C7: variants seen among roughly 807,000 people sequenced by gnomAD.
C7 encodes the protein complement C7.
Under a neutral mutation model 104.8 loss-of-function variants are expected in C7, and 83 were observed. The ratio of observed to expected loss-of-function variants is 0.79; its 90% CI spans 0.66 to 0.95. The LOEUF (loss-of-function observed/expected upper bound fraction) is 0.95, where lower values mean the gene tolerates loss of function less well. Among genes scored for constraint, C7 ranks in the 40% least tolerant of loss-of-function variants. C7 has a pLI of 0.00. For synonymous variants in C7, 415 were observed against 360.6 expected (o/e 1.15, Z -1.71); for missense variants, 1,070 against 1,011.2 (o/e 1.06, Z -0.79).
chr5:40,947,877 C>T (rs1579856652), intron 8 of C7, 32 bp downstream of exon 8: 1 of 1,594,940 alleles, frequency 6.3e-7, no homozygotes, highest in Non-Finnish European at 8.6e-7. Context: ...TGTCTAAAGG[C>T]ATTTCTGGGA....
In C7 at chr5:40,972,564, G is replaced by C. The variant is rs541873000; in HGVS notation, c.2044G>C (p.Glu682Gln). Residue 682 changes from glutamate to glutamine, a missense_variant, in exon 15 of 18, where the codon GAG (glutamate) becomes CAG (glutamine). Transcript: ENST00000313164. ...LCGSSLKWSP[E>Q]MKNARCVQKE... Reference sequence around the variant, plus strand: ...TGGCTCCAGCCTTAAGTGGAGTCCTGAGATGAAGAATGCCCGCTGTGTACA... The same window carrying C: ...TGGCTCCAGCCTTAAGTGGAGTCCTCAGATGAAGAATGCCCGCTGTGTACA... The C allele has an allele frequency of 1.2e-5, 19 of 1,610,668 alleles. No individual in the cohort carries two copies. Among genetic ancestry groups the C allele is most frequent in the African/African-American group, 8.0e-5 (6 of 74,922 alleles).
chr5:40,958,715 G>A (rs1009884240), intron 11 of C7, among the ~76,000 whole-genome samples: 1 of 152,076 alleles, frequency 6.6e-6, no homozygotes, highest in Non-Finnish European at 1.5e-5. Context: ...GGTGTATATG[G>A]TGCTTCAAGC....
At chr5:40,964,975 C>A in intron 14 of C7, 102 bp downstream of exon 14, 1 of 1,311,674 alleles carries the variant, frequency 7.6e-7, no homozygotes, top group Non-Finnish European at 1.1e-6. Context: ...TGTTGGCCTT[C>A]CTTTCCTGTA....
Position 40,980,019 on chromosome 5 carries a change from T to C in C7, c.2350+110T>C, listed in dbSNP as rs529738772. 37 of 936,060 alleles carry C rather than the reference T, an allele frequency of 4.0e-5. No individual in the cohort carries two copies. In the African/African-American group the frequency reaches 6.0e-4, roughly 15 times the overall value. 58.0% of individuals were successfully genotyped at this position (936,060 alleles called of 1,614,324 possible). Reference sequence around the variant, plus strand: ...GTGGGCCGAAGAAGATACTTGAGGATGTTAAAGACTCAGACTGATTTGACA... The same window carrying C: ...GTGGGCCGAAGAAGATACTTGAGGACGTTAAAGACTCAGACTGATTTGACA... On this transcript the variant is annotated intron_variant, in intron 17 of 17. Coordinates refer to ENST00000313164, the MANE Select transcript of C7 (RefSeq NM_000587.4).
At chr5:40,937,420 A>C (rs1478673008) in intron 5 of C7, 132 bp from the exon 6 acceptor site, 1 of 809,090 alleles carries the variant, frequency 1.2e-6, no homozygotes, top group Non-Finnish European at 1.9e-6. Context: ...GAACTCTCTC[A>C]AAGAAGTGTT....
At chr5:40,973,598 C>T (rs1258862000) in intron 15 of C7, among the ~76,000 whole-genome samples, 2 of 152,198 alleles carry the variant, frequency 1.3e-5, no homozygotes, top group East Asian at 3.8e-4. Flanking sequence ...TTGGAGTGCC[C>T]TCCCTGCCTG....
At chr5:40,970,924 A>T (rs1197622622) in intron 14 of C7, among the ~76,000 whole-genome samples, 1 of 151,942 alleles carries the variant, frequency 6.6e-6, no homozygotes, top group Non-Finnish European at 1.5e-5. Flanking sequence ...TGCAAAGGAC[A>T]TTAACCCGTT....
chr5:40,927,721 C>A (rs1206571682), intron 1 of C7, among the ~76,000 whole-genome samples: 1 of 151,934 alleles, frequency 6.6e-6, no homozygotes, highest in African/African-American at 2.4e-5. Context: ...TAGAGAAATG[C>A]AAATTAAAAT....
intron 14 of C7, among the ~76,000 whole-genome samples, chr5:40,965,794 A>G (rs558454729): frequency 1.3e-5 from 2 of 151,788 alleles, no homozygotes; most frequent in Admixed American, 1.3e-4. Context: ...GGTGTGTGCC[A>G]ACACACTCTG....
At chr5:40,954,433 T>C (rs968213222) in intron 9 of C7, among the ~76,000 whole-genome samples, 1 of 152,180 alleles carries the variant, frequency 6.6e-6, no homozygotes, top group African/African-American at 2.4e-5. Flanking sequence ...GTTTCAGATA[T>C]CATAATACTT....
At chr5:40,974,859 C>G (rs1329590149) in intron 15 of C7, among the ~76,000 whole-genome samples, 2 of 152,188 alleles carry the variant, frequency 1.3e-5, no homozygotes, top group Non-Finnish European at 2.9e-5. Flanking sequence ...ATTAAGGCTT[C>G]TCAACCTCAA....
At chr5:40,925,718 C>T (rs1739537716) in intron 1 of C7, among the ~76,000 whole-genome samples, 1 of 152,184 alleles carries the variant, frequency 6.6e-6, no homozygotes, top group African/African-American at 2.4e-5. Flanking sequence ...ATGGCATCAA[C>T]ATTTGCTCAG....
At chr5:40,980,791 A>T (rs1740926111) in intron 17 of C7, among the ~76,000 whole-genome samples, 1 of 152,172 alleles carries the variant, frequency 6.6e-6, no homozygotes, top group Non-Finnish European at 1.5e-5. Flanking sequence ...GACTGATGAC[A>T]TACATATGTG....
In C7 at chr5:40,972,257, G is replaced by A. The variant is rs988577707; in HGVS notation, c.1883-146G>A. The A allele has an allele frequency of 7.3e-6, 5 of 683,346 alleles. No individual in the cohort carries two copies. In the African/African-American group the frequency reaches 9.0e-5, roughly 12 times the overall value. 42.3% of individuals were successfully genotyped at this position (683,346 alleles called of 1,614,324 possible). A position where few individuals can be genotyped will look rare whatever the true frequency, so the allele number is the denominator to read the frequency against. ...CAGGCTCTGTGTGACATGTCTTTCA[G>A]TCCACCCTAACAGTGAACTTACGTC... On this transcript the variant is annotated intron_variant, in intron 14 of 17. Transcript: ENST00000313164.
At chr5:40,929,356 T>C (rs1739628011) in intron 2 of C7, among the ~76,000 whole-genome samples, 1 of 152,180 alleles carries the variant, frequency 6.6e-6, no homozygotes. Flanking sequence ...GGAAGCCCTC[T>C]CCATTTCCCC....
chr5:40,935,248 T>C (rs1406753717), intron 4 of C7, among the ~76,000 whole-genome samples: 1 of 152,224 alleles, frequency 6.6e-6, no homozygotes, highest in Non-Finnish European at 1.5e-5. Context: ...TTATGCATAT[T>C]GTACCATCTG....
chr5:40,955,564 C>T lies in C7; in HGVS notation c.1260+11C>T. On this transcript the variant is annotated intron_variant, in intron 10 of 17. Transcript: ENST00000313164. ...GTCATAAAACAAAAGGTATGTCAGG[C>T]TTTGTTTAAAGCAATAGGAAGCAGT... 1 of 1,607,106 alleles carries T rather than the reference C, an allele frequency of 6.2e-7. No individual in the cohort carries two copies. Among genetic ancestry groups the T allele is most frequent in the Non-Finnish European group, 8.5e-7 (1 of 1,176,834 alleles).
intron 17 of C7, 88 bp downstream of exon 17, chr5:40,979,997 G>A (rs1175166182): frequency 7.7e-6 from 9 of 1,168,998 alleles, no homozygotes; most frequent in South Asian, 1.9e-5. Context: ...TTTAGCAGTG[G>A]GCCGAAGAAG....
intron 4 of C7, among the ~76,000 whole-genome samples, chr5:40,935,562 G>A (rs964589124): frequency 6.6e-6 from 1 of 152,180 alleles, no homozygotes; most frequent in Non-Finnish European, 1.5e-5. Context: ...TAAGAGATAG[G>A]TAGAGAAAAC....
Sources: allele counts gnomAD v4.1 joint callset (sites outside exome capture counted in the v4.1 genomes callset), GRCh38; gene constraint gnomAD v4.1.1; transcripts MANE v1.5; gene names NCBI Gene and HGNC (gene_info 2026-07-23, HGNC 2026-07-21).